Variants in CADM2 observed in about 807,000 individuals in gnomAD.
The protein encoded by CADM2 is cell adhesion molecule 2.
A neutral mutation model predicts 49.8 loss-of-function variants in CADM2; 12 were observed. The ratio of observed to expected loss-of-function variants is 0.24; its 90% confidence interval spans 0.15 to 0.39. The LOEUF is 0.39. Ranked by LOEUF, CADM2 falls within the 10% of genes least tolerant of loss-of-function variation. The pLI is 1.00. For synonymous variants in CADM2, 214 were observed against 175.4 expected (o/e 1.22, Z -1.74); for missense variants, 378 against 492.3 (o/e 0.77, Z 2.20).
chr3:85,650,376 G>A (rs896680768), intron 1 of CADM2, among the ~76,000 whole-genome samples: 25 of 152,120 alleles, frequency 1.6e-4, no homozygotes, highest in African/African-American at 6.0e-4. Context: ...ACTGACATGG[G>A]GAAGTTTCGT....
At chr3:85,354,259 G>A (rs976506727) in intron 1 of CADM2, among the ~76,000 whole-genome samples, 29 of 141,654 alleles carry the variant, frequency 2.0e-4, no homozygotes, top group South Asian at 1.1e-3. Flanking sequence ...TTCATATGTC[G>A]AAATAAATCA....
At chr3:85,715,175 C>T (rs1235889337) in intron 1 of CADM2, among the ~76,000 whole-genome samples, 1 of 152,086 alleles carries the variant, frequency 6.6e-6, no homozygotes, top group Non-Finnish European at 1.5e-5. Context: ...TACATGTCAC[C>T]TTCTGCCTTA....
Position 85,331,339 on chromosome 3 carries a change from T to C in CADM2, c.61+371671T>C, listed in dbSNP as rs1004620853. 5.8e-5 allele frequency among the ~76,000 whole-genome samples: 7 copies of C among 120,330 alleles called. No homozygotes were observed. In the East Asian group the frequency reaches 1.8e-3, roughly 32 times the overall value. The allele number at this position is 120,330 out of a possible 152,430, so 78.9% of individuals were successfully genotyped here. A position where few individuals can be genotyped will look rare whatever the true frequency, so the allele number is the denominator to read the frequency against. On this transcript the variant is annotated intron_variant, in intron 1 of 9. Transcript: ENST00000383699. ...TCTACTCTCTATCTCAATTTATTCATTTTTTTTAGCTCCCACATATTAATG... is the reference window on the plus strand; with the variant it reads ...TCTACTCTCTATCTCAATTTATTCACTTTTTTTAGCTCCCACATATTAATG...
At chr3:85,604,590 A>G (rs2063499970) in intron 1 of CADM2, among the ~76,000 whole-genome samples, 1 of 152,012 alleles carries the variant, frequency 6.6e-6, no homozygotes, top group Non-Finnish European at 1.5e-5. Context: ...TCTCAGATGA[A>G]TGGCTGATGA....
At chr3:85,257,786 C>G (rs1313714459) in intron 1 of CADM2, among the ~76,000 whole-genome samples, 1 of 151,990 alleles carries the variant, frequency 6.6e-6, no homozygotes, top group African/African-American at 2.4e-5. Context: ...TTCCATAACT[C>G]TTTTTTATTT....
intron 1 of CADM2, among the ~76,000 whole-genome samples, chr3:85,568,976 T>C (rs1010877627): frequency 6.6e-6 from 1 of 152,172 alleles, no homozygotes; most frequent in Admixed American, 6.6e-5. Flanking sequence ...CAATTTGACA[T>C]AATTATAAAT....
At chr3:85,985,524 C>T (rs188327276) in intron 8 of CADM2, among the ~76,000 whole-genome samples, 114 of 151,938 alleles carry the variant, frequency 7.5e-4, no homozygotes, top group Middle Eastern at 3.4e-3. Flanking sequence ...AAATGATTCT[C>T]GAAGAATAGA....
At chr3:85,541,276 T>TGA (rs1347540662) in intron 1 of CADM2, among the ~76,000 whole-genome samples, 3 of 102,196 alleles carry the variant, frequency 2.9e-5, no homozygotes, top group Non-Finnish European at 4.9e-5. Flanking sequence ...TGTATATATG[T>TGA]CACATATACA....
intron 3 of CADM2, among the ~76,000 whole-genome samples, chr3:85,877,368 T>A (rs151122761): frequency 9.3e-4 from 141 of 152,254 alleles, no homozygotes; most frequent in African/African-American, 3.2e-3. Flanking sequence ...TTATATTCTG[T>A]GTCCTCAAAG....
At chr3:85,544,524 C>T (rs191798612) in intron 1 of CADM2, among the ~76,000 whole-genome samples, 6 of 152,080 alleles carry the variant, frequency 3.9e-5, no homozygotes, top group Non-Finnish European at 8.8e-5. Context: ...TTGCAGTGAA[C>T]GGAGATCGCG....
At chr3:84,967,882 C>G (rs2031125841) in intron 1 of CADM2, among the ~76,000 whole-genome samples, 1 of 151,904 alleles carries the variant, frequency 6.6e-6, no homozygotes, top group Non-Finnish European at 1.5e-5. Context: ...TCCGTAATCT[C>G]TTAATAAAAA....
At chr3:85,058,223 T>G (rs894888644) in intron 1 of CADM2, among the ~76,000 whole-genome samples, 1 of 152,144 alleles carries the variant, frequency 6.6e-6, no homozygotes, top group African/African-American at 2.4e-5. Flanking sequence ...TATTATAAAT[T>G]TAGCAGACAT....
intron 5 of CADM2, among the ~76,000 whole-genome samples, chr3:85,908,104 T>TA (rs1422023065): frequency 6.6e-6 from 1 of 151,924 alleles, no homozygotes; most frequent in East Asian, 1.9e-4. Context: ...AACTTCATTC[T>TA]AAAAGTGGCC....
At chr3:85,554,877 T>TTTA (rs1559906848) in intron 1 of CADM2, among the ~76,000 whole-genome samples, 1 of 77,164 alleles carries the variant, frequency 1.3e-5, no homozygotes, top group African/African-American at 4.3e-5. Context: ...ATTTTTTTTA[T>TTTA]TTTTATTTTT....
chr3:85,724,664 G>T (rs2067623152), intron 1 of CADM2, among the ~76,000 whole-genome samples: 1 of 151,206 alleles, frequency 6.6e-6, no homozygotes, highest in Non-Finnish European at 1.5e-5. Flanking sequence ...TCTTCTTCTG[G>T]AAACAAAATG....
At chr3:85,597,681 G>A (rs1027677474) in intron 1 of CADM2, among the ~76,000 whole-genome samples, 5 of 151,982 alleles carry the variant, frequency 3.3e-5, no homozygotes, top group African/African-American at 1.2e-4. Context: ...TGAATCAGAG[G>A]ACATTTTTGT....
chr3:84,959,521 C>A lies in CADM2; in HGVS notation c.-87C>A. ...GGTCCGGCGGGCGCCGGGAGGAGGA[C>A]ACCAGCGGAGCCCTGCACTCTCGTG... On this transcript the variant is annotated 5_prime_UTR_variant, in exon 1 of 10. Coordinates refer to ENST00000383699, the MANE Select transcript of CADM2 (RefSeq NM_001167675.2). 1.5e-6 allele frequency: 2 copies of A among 1,308,576 alleles called. No individual in the cohort carries two copies. Among genetic ancestry groups the A allele is most frequent in the South Asian group, 1.3e-5 (1 of 77,514 alleles). 81.1% of individuals were successfully genotyped at this position (1,308,576 alleles called of 1,614,324 possible).
chr3:85,134,299 A>G (rs1402398822), intron 1 of CADM2, among the ~76,000 whole-genome samples: 2 of 152,154 alleles, frequency 1.3e-5, no homozygotes, highest in African/African-American at 4.8e-5. Context: ...CAGCCCAGAA[A>G]GGGGCTCCCA....
intron 1 of CADM2, among the ~76,000 whole-genome samples, chr3:85,498,132 T>C (rs1035810470): frequency 2.0e-5 from 3 of 151,520 alleles, no homozygotes; most frequent in African/African-American, 7.3e-5. Flanking sequence ...CCTCTCATAC[T>C]GCAAAAACAT....
Sources: allele counts gnomAD v4.1 joint callset (sites outside exome capture counted in the v4.1 genomes callset), GRCh38; gene constraint gnomAD v4.1.1; transcripts MANE v1.5; gene names NCBI Gene and HGNC (gene_info 2026-07-23, HGNC 2026-07-21).